PER2: variants seen among roughly 807,000 people sequenced by gnomAD.
The protein encoded by PER2 is period circadian protein homolog 2.
Under a neutral mutation model 121.0 loss-of-function variants are expected in PER2, and 66 were observed. That is an observed-to-expected ratio of 0.55 (90% CI 0.45 to 0.67). The LOEUF (loss-of-function observed/expected upper bound fraction) is 0.67. PER2 is among the 30% of genes least tolerant of loss of function. PER2 has a pLI of 0.00. For synonymous variants in PER2, 684 were observed against 659.9 expected, an observed-to-expected ratio of 1.04 and a Z score of -0.56; for missense variants, 1,521 against 1,635.0, an observed-to-expected ratio of 0.93 and a Z score of 1.20.
intron 22 of PER2, chr2:238,247,462 C>T (rs764673559): frequency 6.6e-6 from 1 of 152,290 alleles, no homozygotes; most frequent in Non-Finnish European, 1.5e-5. Context: ...CGACCCTGAG[C>T]TAGAAGTACC....
the PER2 span, among the ~76,000 whole-genome samples, chr2:238,296,791 C>T: frequency 3.9e-5 from 6 of 152,212 alleles, no homozygotes; most frequent in African/African-American, 1.2e-4. Flanking sequence ...GGGGGGGTTC[C>T]CTGAGACCTT....
chr2:238,251,483 T>G, intron 20 of PER2, 116 bp downstream of exon 20: 4 of 922,092 alleles, frequency 4.3e-6, no homozygotes, highest in Non-Finnish European at 3.5e-6. Flanking sequence ...CTCTGACAGC[T>G]GCTTGGGGAG....
At chr2:238,287,796 AACTC>A (rs1696832419) in intron 1 of PER2, among the ~76,000 whole-genome samples, 3 of 152,168 alleles carry the variant, frequency 2.0e-5, no homozygotes, top group Admixed American at 1.3e-4. Context: ...CCTGGCAACC[AACTC>A]GTCATCCCTT....
chr2:238,246,737 G>C (rs144564480), intron 22 of PER2, among the ~76,000 whole-genome samples: 1 of 152,174 alleles, frequency 6.6e-6, no homozygotes, highest in East Asian at 1.9e-4. Context: ...TTAGCTGGGC[G>C]TGGTGGCAGG....
Position 238,250,725 on chromosome 2 carries a change from T to A in PER2, c.3293A>T (p.His1098Leu). ...PSGAGSSDTS[H>L]TSKYFGSIDS... is the part of the protein sequence containing the mutation. ...AATGCTTCCAAAATATTTGCTGGTA[T>A]GACTTGTGTCACTACTGCCTTTAAA... Residue 1098 changes from histidine to leucine, a missense_variant, in exon 21 of 23, where the codon CAT becomes CTT. By Grantham distance (99) the His-to-Leu change is moderately conservative (BLOSUM62 -3). Transcript: ENST00000254657. 1 of 1,613,752 alleles carries A rather than the reference T, an allele frequency of 6.2e-7. No individual in the cohort carries two copies. Among genetic ancestry groups the A allele is most frequent in the Non-Finnish European group, 8.5e-7 (1 of 1,179,588 alleles).
chr2:238,281,282 G>A (rs925138436), intron 1 of PER2, among the ~76,000 whole-genome samples: 9 of 152,134 alleles, frequency 5.9e-5, no homozygotes, highest in Non-Finnish European at 1.2e-4. Context: ...GATTACAGGC[G>A]TGAGCCACCA....
the PER2 span, among the ~76,000 whole-genome samples, chr2:238,298,060 T>C: frequency 1.4e-5 from 2 of 140,014 alleles, no homozygotes; most frequent in Non-Finnish European, 3.0e-5. Context: ...TGATACGGAG[T>C]CTCGCTCTGT....
chr2:238,255,282 C>T, intron 18 of PER2: 1 of 353,658 alleles, frequency 2.8e-6, no homozygotes, highest in African/African-American at 2.1e-5. Flanking sequence ...TCCTCATGTG[C>T]CCAGCACTAC....
rs200687764 is a variant in PER2, at chr2:238,253,205, C to T, written c.2818G>A (p.Glu940Lys). 7.4e-5 allele frequency: 118 copies of T among 1,595,112 alleles called. No individual in the cohort carries two copies. Among genetic ancestry groups the T allele is most frequent in the Non-Finnish European group, 9.1e-5 (106 of 1,168,276 alleles). ...TCAGGCTGTGAGGCAGAGGCCATCT[C>T]GGATGTGAGTGTGGGGTGGCTCGGA... ...QFPSHPTLTS[E>K]MASASQPEFP... is the part of the protein sequence containing the mutation. Residue 940 changes from glutamate (E) to lysine (K), a missense_variant, in exon 19 of 23, where the codon GAG becomes AAG. Glu to Lys is a moderately conservative substitution (Grantham distance 56). Coordinates refer to ENST00000254657, the MANE Select transcript of PER2 (RefSeq NM_022817.3). The surrounding 1 kb of genome is among the most constrained non-coding windows in gnomAD (Gnocchi z 5.6).
Position 238,246,444 on chromosome 2 carries a change from G to C in PER2, c.3699C>G (p.Ser1233Arg), listed in dbSNP as rs781757018. The change falls in exon 23 of 23, where the codon AGC (serine) becomes AGG (arginine). Residue 1233 changes from serine to arginine, a missense_variant. Ser to Arg is a moderately radical substitution (Grantham distance 110, BLOSUM62 -1). Coordinates refer to ENST00000254657, the MANE Select transcript of PER2 (RefSeq NM_022817.3). The stretch of plus-strand genomic sequence containing the variant: ...CGTCTTCTTTGGTGTCCGACACTTC[G>C]CTGAGTCCCAGAGAAGGAATATCTT... ...YEEDIPSLGL[S>R]EVSDTKEDEN... The C allele has an allele frequency of 4.4e-6, 7 of 1,606,208 alleles. No homozygotes were observed. The South Asian group carries it at 6.6e-5, about 15-fold the overall frequency.
chr2:238,291,790 C>T (rs750058517), upstream of PER2, among the ~76,000 whole-genome samples: 7 of 152,186 alleles, frequency 4.6e-5, no homozygotes, highest in East Asian at 1.9e-4. Context: ...CTCAAGGGCG[C>T]GGGCACCTGT....
chr2:238,268,101 G>A lies in PER2; in HGVS notation c.922C>T (p.Leu308Phe). 6.2e-7 allele frequency: 1 copy of A among 1,614,172 alleles called. No homozygotes were observed. The highest frequency in any genetic ancestry group is 1.1e-5 in the South Asian group (1 of 91,090). The stretch of plus-strand genomic sequence containing the variant: ...CTCTCTGCCAGCAGAAGGCAGCAAA[G>A]CTGACTCTCAGCACCTTGTTGGTCC... ...VRDQQGAESQ[L>F]CCLLLAERVH... Residue 308 changes from leucine to phenylalanine, a missense_variant, in exon 8 of 23, where the codon CTT becomes TTT. Physicochemically the swap from Leu to Phe is conservative, Grantham distance 22 (BLOSUM62 0). Coordinates refer to ENST00000254657, the MANE Select transcript of PER2 (RefSeq NM_022817.3). The surrounding 1 kb of genome is among the most constrained non-coding windows in gnomAD (Gnocchi z 4.0).
intron 1 of PER2, among the ~76,000 whole-genome samples, chr2:238,284,307 T>C (rs1559338020): frequency 2.6e-5 from 4 of 151,866 alleles, no homozygotes; most frequent in South Asian, 4.2e-4. Context: ...CCAGGCGTCA[T>C]GGTGTGTGCC....
intron 19 of PER2, among the ~76,000 whole-genome samples, chr2:238,251,974 CT>C (rs1420318053): frequency 3.9e-5 from 6 of 152,146 alleles, no homozygotes; most frequent in Non-Finnish European, 8.8e-5. Context: ...TGGATGCCGT[CT>C]AGTTACATTT....
chr2:238,251,323 G>T (rs4663867), intron 20 of PER2, among the ~76,000 whole-genome samples: 1 of 152,172 alleles, frequency 6.6e-6, no homozygotes, highest in Admixed American at 6.5e-5. Context: ...CCACTATCTG[G>T]GGAGTCAGAG....
At chr2:238,265,145 C>A (rs952847433) in intron 9 of PER2, among the ~76,000 whole-genome samples, 3 of 152,242 alleles carry the variant, frequency 2.0e-5, no homozygotes, top group Non-Finnish European at 4.4e-5. Flanking sequence ...CCTGGAGAAG[C>A]CTCTAGCACA....
chr2:238,283,521 C>A (rs552950105), intron 1 of PER2, among the ~76,000 whole-genome samples: 1 of 152,344 alleles, frequency 6.6e-6, no homozygotes, highest in Non-Finnish European at 1.5e-5. Flanking sequence ...AAAGGCCCTG[C>A]GGCAGGCAAG....
intron 6 of PER2, among the ~76,000 whole-genome samples, chr2:238,270,820 G>A (rs867520820): frequency 2.0e-5 from 3 of 152,250 alleles, no homozygotes; most frequent in Admixed American, 6.5e-5. Context: ...GCAGTGCCTC[G>A]GGGGCCAGCG....
intron 8 of PER2, among the ~76,000 whole-genome samples, chr2:238,267,572 A>C (rs1696148665): frequency 6.6e-6 from 1 of 152,102 alleles, no homozygotes; most frequent in Admixed American, 6.5e-5. Context: ...AAAAGTTAGG[A>C]TGGGCCAAGG....
Sources: allele counts gnomAD v4.1 joint callset (sites outside exome capture counted in the v4.1 genomes callset), GRCh38; gene constraint gnomAD v4.1.1; non-coding constraint Gnocchi (gnomAD v3.1); transcripts MANE v1.5; gene names NCBI Gene and HGNC (gene_info 2026-07-23, HGNC 2026-07-21).